PAH: variants seen among roughly 807,000 people sequenced by gnomAD.
PAH encodes the protein phenylalanine-4-hydroxylase.
In PAH, 64 loss-of-function variants were observed where a neutral mutation model predicts 62.0. The ratio of observed to expected loss-of-function variants is 1.03; its 90% CI spans 0.84 to 1.27. The LOEUF (loss-of-function observed/expected upper bound fraction) is 1.27. PAH is among the 50% of genes most tolerant of loss of function. The probability of loss-of-function intolerance (pLI) is 0.00; values close to 1 mark genes in which losing one functional copy is unlikely to be tolerated. For synonymous variants in PAH, 195 were observed against 196.2 expected (o/e 0.99, Z 0.05); for missense variants, 579 against 542.8 (o/e 1.07, Z -0.66).
chr12:102,911,894 G>C (rs1039227180), intron 2 of PAH, among the ~76,000 whole-genome samples: 2 of 152,180 alleles, frequency 1.3e-5, no homozygotes, highest in Non-Finnish European at 2.9e-5. Context: ...AGGAATCTTA[G>C]CATAAAGCAA....
rs1210284575 is a variant in PAH at position 102,893,275 on chromosome 12, C to T, written c.352+1460G>A. ...ATTAGCCAGGCGTGGTGGGGCATGC[C>T]TGTAATCCCAGCTACTCAAGAGGTT... On this transcript the variant is annotated intron_variant, in intron 3 of 12. Coordinates refer to ENST00000553106, the MANE Select transcript of PAH (RefSeq NM_000277.3). Among the ~76,000 whole-genome samples, 5 of 152,166 alleles carry T rather than the reference C, an allele frequency of 3.3e-5. No individual in the cohort carries two copies. In the East Asian group the frequency reaches 9.7e-4, roughly 29 times the overall value.
At chr12:102,900,173 A>G (rs1172243302) in intron 2 of PAH, among the ~76,000 whole-genome samples, 1 of 148,360 alleles carries the variant, frequency 6.7e-6, no homozygotes, top group African/African-American at 2.5e-5. Context: ...CCTCAGCCTC[A>G]TGAGTAGCTG....
intron 1 of PAH, among the ~76,000 whole-genome samples, chr12:102,933,572 C>T (rs1032680514): frequency 6.6e-6 from 1 of 151,982 alleles, no homozygotes; most frequent in Non-Finnish European, 1.5e-5. Context: ...AGTGGTTGTA[C>T]TAATTTACAT....
intron 11 of PAH, among the ~76,000 whole-genome samples, chr12:102,842,416 A>G (rs1001093983): frequency 6.6e-6 from 1 of 152,216 alleles, no homozygotes; most frequent in African/African-American, 2.4e-5. Context: ...ACCTTTAATT[A>G]TCTAAAGATA....
chr12:102,844,375 T>C lies in PAH; in HGVS notation c.1026A>G (p.Ala342=), dbSNP rs766756246. Residue 342 remains alanine, a synonymous_variant, in exon 10 of 13, where the codon GCA becomes GCG. Transcript: ENST00000553106. ...AGGATGACAGGAGCCCAGCACCATA[T>C]GCCTTTATGGAGTCTCCTTGTTTGC... is the stretch of plus-strand genomic sequence containing the variant. ...GLCKQGDSIK[A]YGAGLLSSFG... 1.9e-6 allele frequency: 3 copies of C among 1,613,760 alleles called. No homozygotes were observed. Among genetic ancestry groups the C allele is most frequent in the Non-Finnish European group, 2.5e-6 (3 of 1,179,794 alleles).
chr12:102,945,701 G>C (rs1879468114), intron 1 of PAH, among the ~76,000 whole-genome samples: 2 of 152,126 alleles, frequency 1.3e-5, no homozygotes, highest in Admixed American at 1.3e-4. Flanking sequence ...AGAGGAGTGG[G>C]CCCCCTCTGG....
intron 2 of PAH, among the ~76,000 whole-genome samples, chr12:102,910,306 C>A (rs1409160068): frequency 6.6e-6 from 1 of 151,810 alleles, no homozygotes; most frequent in Admixed American, 6.6e-5. Flanking sequence ...CTGGGATATG[C>A]AACCACTGTC....
intron 3 of PAH, 29 bp from the exon 4 acceptor site, chr12:102,877,579 G>A: frequency 1.3e-6 from 2 of 1,545,630 alleles, no homozygotes; most frequent in Non-Finnish European, 8.9e-7. Context: ...AACGTCCTGA[G>A]TACAGATTGG....
intron 1 of PAH, among the ~76,000 whole-genome samples, chr12:102,929,456 C>T (rs1878783508): frequency 6.6e-6 from 1 of 152,144 alleles, no homozygotes; most frequent in East Asian, 1.9e-4. Flanking sequence ...GAGCAAAGGT[C>T]ATATTGCAGA....
upstream of PAH, chr12:102,917,505 C>G (rs1314866063): frequency 2.2e-5 from 7 of 315,478 alleles, no homozygotes; most frequent in Non-Finnish European, 6.2e-6. Flanking sequence ...TTCCGGGACT[C>G]TCAGAAGCCT....
chr12:102,839,011 T>G lies in PAH; in HGVS notation c.*164A>C. On this transcript the variant is annotated 3_prime_UTR_variant, in exon 13 of 13. Transcript: ENST00000553106. ...CTCTTGAGTATGTACTCATATCCTG[T>G]CATTTCAGATTATTTTGACTTATTT... is the stretch of plus-strand genomic sequence containing the variant. 1 of 676,460 alleles carries G rather than the reference T, an allele frequency of 1.5e-6. No individual in the cohort carries two copies. The highest frequency in any genetic ancestry group is 2.6e-6 in the Non-Finnish European group (1 of 380,606). The allele number at this position is 676,460 out of a possible 1,614,324, so 41.9% of individuals were successfully genotyped here. A position where few individuals can be genotyped will look rare whatever the true frequency, so the allele number is the denominator to read the frequency against.
chr12:102,846,115 G>C (rs1874831472), intron 9 of PAH, among the ~76,000 whole-genome samples: 1 of 152,098 alleles, frequency 6.6e-6, no homozygotes, highest in Non-Finnish European at 1.5e-5. Context: ...CAAGATATGA[G>C]CTATTGCATC....
chr12:102,902,277 A>G (rs1877793334), intron 2 of PAH, among the ~76,000 whole-genome samples: 1 of 152,248 alleles, frequency 6.6e-6, no homozygotes, highest in Non-Finnish European at 1.5e-5. Context: ...TGAAGACACC[A>G]GGCAGAGAAG....
At chr12:102,929,140 C>A (rs1878771569) in intron 1 of PAH, among the ~76,000 whole-genome samples, 2 of 152,142 alleles carry the variant, frequency 1.3e-5, no homozygotes, top group Non-Finnish European at 2.9e-5. Context: ...TGTCAGTTTC[C>A]TGAGGCCTCC....
intron 3 of PAH, among the ~76,000 whole-genome samples, chr12:102,894,426 A>C (rs1413249292): frequency 4.8e-5 from 4 of 82,772 alleles, no homozygotes; most frequent in Non-Finnish European, 1.4e-4. Flanking sequence ...AAAGCTTATA[A>C]AGTAAAAAAA....
At chr12:102,951,349 G>A (rs369073192), upstream of PAH, among the ~76,000 whole-genome samples, 2 of 152,132 alleles carry the variant, frequency 1.3e-5, no homozygotes, top group South Asian at 2.1e-4. Flanking sequence ...TGTTCTGAGG[G>A]TCAACGAAGC....
At position 102,867,184 on chromosome 12, in the gene PAH, C is replaced by A. The variant is rs1568792; in HGVS notation, c.442-521G>T. The stretch of plus-strand genomic sequence containing the variant: ...ACATATAATTCTCACAACAAACTTG[C>A]GAGTTCGATGAGTATGATTATCCTG... On this transcript the variant is annotated intron_variant, in intron 4 of 12. Coordinates refer to ENST00000553106, the MANE Select transcript of PAH (RefSeq NM_000277.3). Among the ~76,000 whole-genome samples the A allele has an allele frequency of 3.2e-3, 481 of 152,230 alleles. 5 individuals carry two copies. Among genetic ancestry groups the A allele is most frequent in the African/African-American group, 0.01 (421 of 41,518 alleles).
At chr12:102,955,215 G>A (rs1456452408), upstream of PAH, among the ~76,000 whole-genome samples, 4 of 152,194 alleles carry the variant, frequency 2.6e-5, no homozygotes, top group Admixed American at 6.5e-5. Context: ...GAGGAGAGGA[G>A]GTTCTGTCCT....
chr12:102,837,895 G>T lies in PAH; in HGVS notation c.*1280C>A, dbSNP rs1874428467. The T allele has an allele frequency of 6.6e-6, 1 of 152,160 alleles. No homozygotes were observed. Among genetic ancestry groups the T allele is most frequent in the Admixed American group, 6.5e-5 (1 of 15,284 alleles). The allele number at this position is 152,160 out of a possible 1,614,324, so 9.4% of individuals were successfully genotyped here. Reference sequence around the variant, plus strand: ...GGGGTACTTAAAAATACAGGTCTCTGGGCCTTATCTTCAGAGATTCAAATT... The same window carrying T: ...GGGGTACTTAAAAATACAGGTCTCTTGGCCTTATCTTCAGAGATTCAAATT... On this transcript the variant is annotated 3_prime_UTR_variant, in exon 13 of 13. Transcript: ENST00000553106.
Sources: gnomAD v4.1 joint callset for allele counts (sites outside exome capture counted in the v4.1 genomes callset) on GRCh38, gnomAD v4.1.1 for gene constraint, MANE v1.5 for transcripts, NCBI Gene and HGNC (gene_info 2026-07-23, HGNC 2026-07-21) for gene names.